TRAPPC9: variants seen among roughly 807,000 people sequenced by gnomAD.
The protein encoded by TRAPPC9 is IKK2 binding protein.
TRAPPC9 carries 83 observed loss-of-function variants against 124.0 expected under a neutral mutation model. That is an observed-to-expected ratio of 0.67 (90% confidence interval 0.56 to 0.80). TRAPPC9 has a LOEUF of 0.80. TRAPPC9 is among the 30% of genes least tolerant of loss of function. The pLI, the probability that TRAPPC9 is intolerant of heterozygous loss-of-function variation, is 0.00. For synonymous variants in TRAPPC9, 638 were observed against 617.5 expected, an observed-to-expected ratio of 1.03 and a Z score of -0.49; for missense variants, 1,302 against 1,508.3, an observed-to-expected ratio of 0.86 and a Z score of 2.27.
intron 17 of TRAPPC9, among the ~76,000 whole-genome samples, chr8:140,109,421 G>A (rs2060723289): frequency 6.6e-6 from 1 of 152,142 alleles, no homozygotes; most frequent in Admixed American, 6.5e-5. Flanking sequence ...GGAGGGTCAA[G>A]TCCTAGCAAA....
chr8:140,338,103 A>T (rs1024563715), intron 9 of TRAPPC9, among the ~76,000 whole-genome samples: 1 of 152,222 alleles, frequency 6.6e-6, no homozygotes, highest in Non-Finnish European at 1.5e-5. Flanking sequence ...AAAATTATTA[A>T]TTTGAATTAA....
In TRAPPC9 at chr8:139,916,777, C is replaced by T. The variant is rs1297924783; in HGVS notation, c.2811-6477G>A. ...GATTCAGTCTTTGAACAGCGGATAG[C>T]CTCACCAGGGAAGTCACAATGACAT... On this transcript the variant is annotated intron_variant, in intron 19 of 22. Transcript: ENST00000438773. 3.3e-5 allele frequency among the ~76,000 whole-genome samples: 5 copies of T among 152,226 alleles called. No individual in the cohort carries two copies. The East Asian group carries it at 9.6e-4, about 29-fold the overall frequency.
intron 17 of TRAPPC9, among the ~76,000 whole-genome samples, chr8:140,111,625 T>C (rs1017975437): frequency 1.3e-5 from 2 of 152,214 alleles, no homozygotes; most frequent in African/African-American, 4.8e-5. Flanking sequence ...TATGCTCACA[T>C]TTCTCAGGGA....
At chr8:140,277,853 A>G (rs1348732102) in intron 14 of TRAPPC9, among the ~76,000 whole-genome samples, 1 of 152,196 alleles carries the variant, frequency 6.6e-6, no homozygotes, top group Non-Finnish European at 1.5e-5. Flanking sequence ...ATGTGGGACT[A>G]TGGGCAAACT....
chr8:139,848,140 C>G (rs1004939398), intron 21 of TRAPPC9, among the ~76,000 whole-genome samples: 10 of 152,210 alleles, frequency 6.6e-5, no homozygotes, highest in African/African-American at 2.2e-4. Flanking sequence ...GAGGGACAGG[C>G]AGATGACAGC....
At chr8:139,764,219 A>C (rs2130381437) in intron 21 of TRAPPC9, among the ~76,000 whole-genome samples, 2 of 152,224 alleles carry the variant, frequency 1.3e-5, no homozygotes, top group South Asian at 4.2e-4. Context: ...CGAGAGAGCT[A>C]GGGGAGAAGG....
At chr8:140,194,876 G>A (rs563188148) in intron 17 of TRAPPC9, among the ~76,000 whole-genome samples, 196 of 150,580 alleles carry the variant, frequency 1.3e-3, no homozygotes, top group Admixed American at 2.0e-3. Flanking sequence ...CATACAGATC[G>A]CACCTGTGAC....
At chr8:140,425,257 C>T (rs1588332046) in intron 5 of TRAPPC9, among the ~76,000 whole-genome samples, 2 of 152,242 alleles carry the variant, frequency 1.3e-5, no homozygotes, top group South Asian at 4.1e-4. Flanking sequence ...AGGACGGCAT[C>T]TCATTCTCTT....
chr8:140,410,598 CT>C (rs2069670357), intron 5 of TRAPPC9, among the ~76,000 whole-genome samples: 1 of 152,188 alleles, frequency 6.6e-6, no homozygotes. Context: ...AATCCCAGCA[CT>C]TCGGAAGGCC....
chr8:140,251,319 A>C (rs573168187), intron 16 of TRAPPC9, among the ~76,000 whole-genome samples: 53 of 152,318 alleles, frequency 3.5e-4, no homozygotes, highest in African/African-American at 1.3e-3. Context: ...CCCTCTGTCT[A>C]CTGATTAAAA....
intron 17 of TRAPPC9, among the ~76,000 whole-genome samples, chr8:140,092,355 G>A (rs936414606): frequency 6.6e-6 from 1 of 151,702 alleles, no homozygotes. Context: ...CCGATGCCAC[G>A]CGAGGCTAAT....
chr8:139,984,015 A>G lies in TRAPPC9; in HGVS notation c.2810+4711T>C, dbSNP rs560913093. Among the ~76,000 whole-genome samples the G allele has an allele frequency of 6.6e-6, 1 of 152,320 alleles. No homozygotes were observed. Among genetic ancestry groups the G allele is most frequent in the South Asian group, 2.1e-4 (1 of 4,826 alleles). ...TCCATCCTCTCTTCCCCCAGGAAGC[A>G]TGTTGCTCCTCCTCGTGCTGTTGGG... On this transcript the variant is annotated intron_variant, in intron 19 of 22. Transcript: ENST00000438773. The surrounding 1 kb of genome is among the most constrained non-coding windows in gnomAD (Gnocchi z 4.3).
intron 21 of TRAPPC9, among the ~76,000 whole-genome samples, chr8:139,852,756 T>A (rs1167791234): frequency 6.6e-6 from 1 of 152,248 alleles, no homozygotes; most frequent in Non-Finnish European, 1.5e-5. Context: ...CCAGCTACCT[T>A]GGGCTGGCTG....
At chr8:140,224,913 TCAG>T (rs2063412056) in intron 16 of TRAPPC9, among the ~76,000 whole-genome samples, 1 of 152,152 alleles carries the variant, frequency 6.6e-6, no homozygotes, top group Non-Finnish European at 1.5e-5. Flanking sequence ...CGGTAGGAGA[TCAG>T]AGGGGTCGGG....
chr8:139,895,726 A>G (rs1453466932), intron 20 of TRAPPC9, among the ~76,000 whole-genome samples: 1 of 152,258 alleles, frequency 6.6e-6, no homozygotes, highest in Admixed American at 6.5e-5. Flanking sequence ...GAGGCAAGTC[A>G]CTGATACACT....
chr8:140,386,729 T>C (rs2068764135), intron 7 of TRAPPC9, among the ~76,000 whole-genome samples: 2 of 152,100 alleles, frequency 1.3e-5, no homozygotes, highest in African/African-American at 2.4e-5. Flanking sequence ...ATCGTGAAAA[T>C]GGCCATACTG....
intron 21 of TRAPPC9, among the ~76,000 whole-genome samples, chr8:139,803,166 T>C (rs1390140358): frequency 2.0e-5 from 3 of 151,982 alleles, no homozygotes; most frequent in Admixed American, 6.6e-5. Flanking sequence ...GTGTGCTGTG[T>C]GCGCGTTGTG....
At chr8:139,785,553 C>T (rs1822169359) in intron 21 of TRAPPC9, among the ~76,000 whole-genome samples, 1 of 150,952 alleles carries the variant, frequency 6.6e-6, no homozygotes, top group African/African-American at 2.4e-5. Context: ...CACACACACA[C>T]ACACACACAC....
intron 17 of TRAPPC9, among the ~76,000 whole-genome samples, chr8:140,047,411 C>A (rs1841677778): frequency 6.6e-6 from 1 of 152,250 alleles, no homozygotes; most frequent in Admixed American, 6.5e-5. Context: ...TCTGCGGAGG[C>A]CCCGCTGGCA....
Sources: allele counts gnomAD v4.1 joint callset (sites outside exome capture counted in the v4.1 genomes callset), GRCh38; gene constraint gnomAD v4.1.1; non-coding constraint Gnocchi (gnomAD v3.1); transcripts MANE v1.5; gene names NCBI Gene and HGNC (gene_info 2026-07-23, HGNC 2026-07-21).